Variants in RBBP4 observed in about 807,000 individuals in gnomAD.
RBBP4 encodes the protein RB binding protein 4, chromatin remodeling factor.
RBBP4 carries 3 observed loss-of-function variants against 57.2 expected under a neutral mutation model. The observed-to-expected ratio is 0.05, with a 90% confidence interval of 0.02 to 0.14. RBBP4 has a LOEUF of 0.14. RBBP4 is among the 10% of genes least tolerant of loss of function. The pLI, the probability that RBBP4 is intolerant of heterozygous loss-of-function variation, is 1.00. For synonymous variants in RBBP4, 151 were observed against 171.5 expected (o/e 0.88, Z 0.93); for missense variants, 107 against 520.6 (o/e 0.21, Z 7.73).
chr1:32,656,412 G>A (rs1648142509), intron 2 of RBBP4, among the ~76,000 whole-genome samples: 1 of 152,084 alleles, frequency 6.6e-6, no homozygotes, highest in South Asian at 2.1e-4. Flanking sequence ...GAGTGCAGTG[G>A]CACCGTCTTG....
In RBBP4 at chr1:32,651,753, C is replaced by T. The variant is rs1468554409; in HGVS notation, c.17-161C>T. The T allele has an allele frequency of 7.6e-6, 7 of 920,432 alleles. No homozygotes were observed. The East Asian group carries it at 1.6e-4, about 21-fold the overall frequency. The allele number at this position is 920,432 out of a possible 1,614,324, so 57.0% of individuals were successfully genotyped here. On this transcript the variant is annotated intron_variant, in intron 1 of 11. Transcript: ENST00000373493. ...TTGGCGGGGATGGCCCGAGGAGTTT[C>T]GGCGCCGCGAAAGTGGAGAGTGTGG...
intron 8 of RBBP4, among the ~76,000 whole-genome samples, chr1:32,670,910 A>G (rs900234243): frequency 1.3e-5 from 2 of 152,088 alleles, no homozygotes; most frequent in African/African-American, 4.8e-5. Flanking sequence ...CTTATTTTCT[A>G]CTTTTCAGCC....
At chr1:32,652,487 C>G (rs958922418) in intron 2 of RBBP4, 4 of 162,174 alleles carry the variant, frequency 2.5e-5, no homozygotes, top group Admixed American at 2.4e-4. Context: ...TCTACTGCCC[C>G]CCACACAAAA....
At chr1:32,668,901 T>TG (rs1329012093) in intron 5 of RBBP4, 47 bp downstream of exon 5, 4 of 1,612,374 alleles carry the variant, frequency 2.5e-6, no homozygotes, top group Non-Finnish European at 3.4e-6. Flanking sequence ...AGTTACCAGT[T>TG]GGTTTCTTTT....
At chr1:32,670,054 C>A (rs1039878904) in intron 8 of RBBP4, among the ~76,000 whole-genome samples, 1 of 152,032 alleles carries the variant, frequency 6.6e-6, no homozygotes, top group Non-Finnish European at 1.5e-5. Flanking sequence ...CACTTACATT[C>A]TTCAGATATT....
chr1:32,660,822 T>C (rs900511627), intron 3 of RBBP4, among the ~76,000 whole-genome samples: 19 of 152,010 alleles, frequency 1.2e-4, no homozygotes, highest in African/African-American at 4.6e-4. Context: ...TTTTTGTTGT[T>C]ATTTTGAGGC....
chr1:32,671,068 T>C (rs1352716611), intron 8 of RBBP4, among the ~76,000 whole-genome samples: 1 of 152,188 alleles, frequency 6.6e-6, no homozygotes, highest in Admixed American at 6.5e-5. Flanking sequence ...ACTTTTACCA[T>C]ATTTGGTAGC....
rs34023445 is a variant in RBBP4, at chr1:32,660,602, T to TA, written c.310+3032dup. ...CAGATAACTTAATTTTTTTTTTTTT[T>TA]AAGAGATGGCATGTCACTATGTTGC... On this transcript the variant is annotated intron_variant, in intron 3 of 11. Transcript: ENST00000373493. 1.7e-3 allele frequency among the ~76,000 whole-genome samples: 258 copies of TA among 150,510 alleles called. 3 individuals carry two copies. The East Asian group carries it at 0.033, about 20-fold the overall frequency.
intron 8 of RBBP4, among the ~76,000 whole-genome samples, chr1:32,670,730 G>A (rs1193638869): frequency 3.3e-5 from 5 of 152,110 alleles, no homozygotes; most frequent in South Asian, 4.1e-4. Context: ...AAGCCACCAC[G>A]CCCAGCCGAG....
At position 32,669,144 on chromosome 1, in the gene RBBP4, C is replaced by T; in HGVS notation, c.761+12C>T. 1 of 1,613,390 alleles carries T rather than the reference C, an allele frequency of 6.2e-7. No individual in the cohort carries two copies. Among genetic ancestry groups the T allele is most frequent in the Non-Finnish European group, 8.5e-7 (1 of 1,179,652 alleles). On this transcript the variant is annotated intron_variant, in intron 6 of 11. Transcript: ENST00000373493. This position sits in a 1 kb window ranked among gnomAD's most constrained non-coding sequence, Gnocchi z 4.9. ...CAGAAACTTATGATGTGAGTAGAAT[C>T]CATTCAGAGTTTCTAAATATCTTGT... is the stretch of plus-strand genomic sequence containing the variant.
intron 3 of RBBP4, among the ~76,000 whole-genome samples, chr1:32,665,129 G>A (rs1648589935): frequency 6.6e-6 from 1 of 152,134 alleles, no homozygotes; most frequent in Admixed American, 6.5e-5. Context: ...CCTGTACTTA[G>A]ACTGAAGTTT....
At chr1:32,673,667 A>C in intron 11 of RBBP4, 1 of 216,318 alleles carries the variant, frequency 4.6e-6, no homozygotes. Flanking sequence ...CAAACTCCTG[A>C]CCTTGTGATC....
In RBBP4 at chr1:32,666,386, T is replaced by C. The variant is rs150491505; in HGVS notation, c.311-1839T>C. ...TATTTTTTTTTTTTTTGAGACGGAG[T>C]CTTGCTCTGTGACCCAGGCTGGAGT... is the stretch of plus-strand genomic sequence containing the variant. On this transcript the variant is annotated intron_variant, in intron 3 of 11. Coordinates refer to ENST00000373493, the MANE Select transcript of RBBP4 (RefSeq NM_005610.3). 9.0e-3 allele frequency among the ~76,000 whole-genome samples: 1,357 copies of C among 150,800 alleles called. 20 individuals are homozygous for C. Among genetic ancestry groups the C allele is most frequent in the African/African-American group, 0.031 (1,281 of 41,062 alleles).
intron 2 of RBBP4, among the ~76,000 whole-genome samples, chr1:32,653,199 C>T (rs1647968312): frequency 6.6e-6 from 1 of 152,004 alleles, no homozygotes; most frequent in Non-Finnish European, 1.5e-5. Context: ...ATAAAATTAT[C>T]AGAGGAAGGA....
rs1468109441 is a variant in RBBP4, at chr1:32,679,876, G to A, written c.*171G>A. 6.9e-6 allele frequency: 9 copies of A among 1,295,432 alleles called. No individual in the cohort carries two copies. In the South Asian group the frequency reaches 1.3e-4, roughly 18 times the overall value. 80.2% of individuals were successfully genotyped at this position (1,295,432 alleles called of 1,614,324 possible). On this transcript the variant is annotated 3_prime_UTR_variant, in exon 12 of 12. Transcript: ENST00000373493. Reference sequence around the variant, plus strand: ...GGTGTTTTCTAAATATTAATAGGGGGGCTTGATTCAACAAAGCCACAGACT... The same window carrying A: ...GGTGTTTTCTAAATATTAATAGGGGAGCTTGATTCAACAAAGCCACAGACT...
At chr1:32,656,739 G>A (rs759263470) in intron 2 of RBBP4, among the ~76,000 whole-genome samples, 39 of 152,172 alleles carry the variant, frequency 2.6e-4, no homozygotes, top group East Asian at 2.3e-3. Context: ...ATTGATAGGC[G>A]GTTAGTAAAT....
At chr1:32,651,582 G>T in intron 1 of RBBP4, 1 of 1,009,982 alleles carries the variant, frequency 9.9e-7, no homozygotes. Context: ...TCGGTTTCTC[G>T]GCCTCTGTCC....
intron 3 of RBBP4, among the ~76,000 whole-genome samples, chr1:32,661,468 A>G (rs1303501978): frequency 6.6e-6 from 1 of 151,366 alleles, no homozygotes; most frequent in Admixed American, 6.6e-5. Context: ...CTAATTTTGT[A>G]TTTTTAGTAG....
rs1649474124 is a variant in RBBP4 at position 32,682,041 on chromosome 1, ATAGT to A, written c.*2339_*2342del. ...ATGAATGGTGATGGTGATGGGAGGG[ATAGT>A]TAAACGTTTTCTCTGCTAGGTTAAC... On this transcript the variant is annotated 3_prime_UTR_variant, in exon 12 of 12. Coordinates refer to ENST00000373493, the MANE Select transcript of RBBP4 (RefSeq NM_005610.3). 1 of 591,714 alleles carries A rather than the reference ATAGT, an allele frequency of 1.7e-6. No individual in the cohort carries two copies. Among genetic ancestry groups the A allele is most frequent in the Non-Finnish European group, 3.0e-6 (1 of 331,968 alleles). 36.7% of individuals were successfully genotyped at this position (591,714 alleles called of 1,614,324 possible).
Sources: gnomAD v4.1 joint callset for allele counts (sites outside exome capture counted in the v4.1 genomes callset) on GRCh38, gnomAD v4.1.1 for gene constraint, Gnocchi (gnomAD v3.1) non-coding constraint, MANE v1.5 for transcripts, NCBI Gene and HGNC (gene_info 2026-07-23, HGNC 2026-07-21) for gene names.